Variants in ALDH1A2 observed in about 807,000 individuals in gnomAD.
ALDH1A2 encodes retinal dehydrogenase 2.
ALDH1A2 carries 27 observed loss-of-function variants against 60.3 expected under a neutral mutation model. The ratio of observed to expected loss-of-function variants is 0.45; its 90% CI spans 0.33 to 0.62. ALDH1A2 has a LOEUF of 0.62. Ranked by LOEUF, ALDH1A2 falls within the 20% of genes least tolerant of loss-of-function variation. The pLI, the probability that ALDH1A2 is intolerant of heterozygous loss-of-function variation, is 0.02. For missense variants in ALDH1A2, 581 were observed against 643.8 expected, an observed-to-expected ratio of 0.90 and a Z score of 1.06; for synonymous variants, 289 against 232.4, an observed-to-expected ratio of 1.24 and a Z score of -2.21.
chr15:58,041,785 C>A (rs757741798), intron 1 of ALDH1A2, among the ~76,000 whole-genome samples: 2 of 151,938 alleles, frequency 1.3e-5, no homozygotes, highest in Non-Finnish European at 2.9e-5. Flanking sequence ...ATGCCTGAAA[C>A]CGCAGACAGT....
chr15:58,012,051 C>T (rs1895648478), intron 3 of ALDH1A2: 1 of 152,148 alleles, frequency 6.6e-6, no homozygotes, highest in Non-Finnish European at 1.5e-5. Context: ...AGGAGCTCCC[C>T]TTTCTTCCAC....
chr15:57,989,621 T>G (rs550337516), intron 7 of ALDH1A2, among the ~76,000 whole-genome samples: 1 of 152,330 alleles, frequency 6.6e-6, no homozygotes, highest in South Asian at 2.1e-4. Flanking sequence ...TCATTGCAGT[T>G]TTTGCCATTA....
intron 1 of ALDH1A2, among the ~76,000 whole-genome samples, chr15:58,040,368 CAG>C (rs1274219567): frequency 6.6e-6 from 1 of 151,912 alleles, no homozygotes; most frequent in Non-Finnish European, 1.5e-5. Flanking sequence ...AACCTGCAGA[CAG>C]ATAATCTAGG....
At chr15:58,053,172 C>T (rs1159175371) in intron 1 of ALDH1A2, among the ~76,000 whole-genome samples, 1 of 152,066 alleles carries the variant, frequency 6.6e-6, no homozygotes, top group Non-Finnish European at 1.5e-5. Context: ...ATAAAACACA[C>T]AGTACTTAAC....
chr15:57,956,730 C>A (rs1893538917), intron 12 of ALDH1A2, among the ~76,000 whole-genome samples: 1 of 152,188 alleles, frequency 6.6e-6, no homozygotes, highest in Admixed American at 6.5e-5. Context: ...TGTCCTTGGG[C>A]AATTCTGAAT....
At chr15:57,975,205 C>T (rs953991362) in intron 7 of ALDH1A2, among the ~76,000 whole-genome samples, 2 of 140,222 alleles carry the variant, frequency 1.4e-5, no homozygotes, top group Non-Finnish European at 3.3e-5. Context: ...TAGGTATTTA[C>T]CTAAGAGAAA....
At chr15:58,054,143 A>C (rs1460687667) in intron 1 of ALDH1A2, among the ~76,000 whole-genome samples, 1 of 152,276 alleles carries the variant, frequency 6.6e-6, no homozygotes, top group African/African-American at 2.4e-5. Flanking sequence ...CATTTCATGC[A>C]AACAGGTAAA....
At chr15:58,031,298 A>G (rs1201988279) in intron 1 of ALDH1A2, among the ~76,000 whole-genome samples, 1 of 152,228 alleles carries the variant, frequency 6.6e-6, no homozygotes, top group Admixed American at 6.5e-5. Flanking sequence ...GTGCTGGGAA[A>G]ACTGGCTAGT....
intron 7 of ALDH1A2, among the ~76,000 whole-genome samples, chr15:57,971,787 T>C (rs1894074643): frequency 6.6e-6 from 1 of 152,236 alleles, no homozygotes; most frequent in Non-Finnish European, 1.5e-5. Context: ...AGCAGTGGTG[T>C]GATCACGGCT....
chr15:57,995,166 C>T, intron 4 of ALDH1A2, 27 bp from the exon 5 acceptor site: 2 of 1,412,618 alleles, frequency 1.4e-6, no homozygotes, highest in Non-Finnish European at 1.9e-6. Context: ...TGGTCACTCC[C>T]AGAAAGTTTA....
chr15:57,997,589 C>T (rs570777309), intron 4 of ALDH1A2, among the ~76,000 whole-genome samples: 8 of 151,962 alleles, frequency 5.3e-5, no homozygotes, highest in Non-Finnish European at 1.2e-4. Flanking sequence ...ACAAGCACTG[C>T]ATGGCAATTC....
At chr15:58,062,312 G>A (rs1897061171) in intron 1 of ALDH1A2, among the ~76,000 whole-genome samples, 1 of 152,134 alleles carries the variant, frequency 6.6e-6, no homozygotes, top group Admixed American at 6.5e-5. Context: ...CTGGGGGAGG[G>A]AGGAAGGAAA....
intron 1 of ALDH1A2, among the ~76,000 whole-genome samples, chr15:58,064,933 G>T (rs1897135587): frequency 2.6e-5 from 4 of 152,166 alleles, no homozygotes; most frequent in Admixed American, 2.6e-4. Flanking sequence ...AGTTTCCCAG[G>T]GAAACTGCCG....
intron 4 of ALDH1A2, among the ~76,000 whole-genome samples, chr15:57,997,422 G>C (rs1436277773): frequency 6.6e-6 from 1 of 151,958 alleles, no homozygotes; most frequent in African/African-American, 2.4e-5. Context: ...CAGGTGGATA[G>C]TCACAGACCA....
chr15:58,065,425 C>T (rs1159957557), intron 1 of ALDH1A2, 109 bp downstream of exon 1: 2 of 981,640 alleles, frequency 2.0e-6, no homozygotes, highest in African/African-American at 3.2e-5. Flanking sequence ...CAGGCTGGCC[C>T]CGACGACCCC....
At chr15:57,955,369 C>G in intron 12 of ALDH1A2, 100 bp from the exon 13 acceptor site, 2 of 1,177,314 alleles carry the variant, frequency 1.7e-6, no homozygotes, top group Admixed American at 1.7e-5. Context: ...CACCTGCGAA[C>G]AGCAAGTCCT....
rs180976615 is a variant in ALDH1A2, at chr15:58,062,169, A to G, written c.117+3365T>C. Among the ~76,000 whole-genome samples the G allele has an allele frequency of 9.9e-5, 15 of 152,220 alleles. No individual in the cohort carries two copies. In the South Asian group the frequency reaches 2.5e-3, roughly 25 times the overall value. On this transcript the variant is annotated intron_variant, in intron 1 of 12. Coordinates refer to ENST00000249750, the MANE Select transcript of ALDH1A2 (RefSeq NM_003888.4). ...TTTAGCAGGTCATTATGTTATAAATACCCTCTTCCTCCCTGTGTTTCAGCC... is the reference window on the plus strand; with the variant it reads ...TTTAGCAGGTCATTATGTTATAAATGCCCTCTTCCTCCCTGTGTTTCAGCC...
At chr15:58,056,544 A>G (rs2140578917) in intron 1 of ALDH1A2, among the ~76,000 whole-genome samples, 1 of 152,252 alleles carries the variant, frequency 6.6e-6, no homozygotes, top group Non-Finnish European at 1.5e-5. Flanking sequence ...CTGAAACAGG[A>G]CTCTAAAGGA....
intron 10 of ALDH1A2, 142 bp from the exon 11 acceptor site, chr15:57,961,436 T>C: frequency 1.9e-6 from 2 of 1,049,656 alleles, no homozygotes; most frequent in Non-Finnish European, 2.8e-6. Flanking sequence ...TCTCCCAACC[T>C]TTCCTAGGAT....
Sources: gnomAD v4.1 joint callset for allele counts (sites outside exome capture counted in the v4.1 genomes callset) on GRCh38, gnomAD v4.1.1 for gene constraint, MANE v1.5 for transcripts, NCBI Gene and HGNC (gene_info 2026-07-23, HGNC 2026-07-21) for gene names.